The following KCNQ1OT1 variants were observed in gnomAD, a reference collection of about 807,000 sequenced individuals.
The protein encoded by KCNQ1OT1 is KCNQ1 antisense RNA 2 (non-protein coding).
At position 2,664,213 on chromosome 11, in the gene KCNQ1OT1, C is replaced by CATGG. The variant is rs1364221776; in HGVS notation, n.35778_35781dup. ...CTGGGAAGGCAGGAAGGAGCCCAGGCATGGGGCTTGGGGTGAGGGATCTGA... is the reference window on the plus strand; with the variant it reads ...CTGGGAAGGCAGGAAGGAGCCCAGGCATGGATGGGGCTTGGGGTGAGGGATCTGA... On this transcript the variant is annotated non_coding_transcript_exon_variant, in exon 1 of 1. Transcript: ENST00000597346. This position sits in a 1 kb window ranked among gnomAD's most constrained non-coding sequence, Gnocchi z 5.1. 7.5e-6 allele frequency: 3 copies of CATGG among 398,716 alleles called. No homozygotes were observed. The highest frequency in any genetic ancestry group is 4.1e-5 in the African/African-American group (2 of 48,620). 24.7% of individuals were successfully genotyped at this position (398,716 alleles called of 1,614,324 possible).
At position 2,621,508 on chromosome 11, in the gene KCNQ1OT1, T is replaced by G. The variant is rs1037533061; in HGVS notation, n.78487A>C. 5 of 398,496 alleles carry G rather than the reference T, an allele frequency of 1.3e-5. No homozygotes were observed. Among genetic ancestry groups the G allele is most frequent in the African/African-American group, 4.1e-5 (2 of 48,648 alleles). The allele number at this position is 398,496 out of a possible 1,614,324, so 24.7% of individuals were successfully genotyped here. The stretch of plus-strand genomic sequence containing the variant: ...CCCATTCTATATGTTGTCTGTTTAC[T>G]CTGTTGATAATTTCTTTTGCTATGC... On this transcript the variant is annotated non_coding_transcript_exon_variant, in exon 1 of 1. Transcript: ENST00000597346. This position sits in a 1 kb window ranked among gnomAD's most constrained non-coding sequence, Gnocchi z 5.7.
At chr11:2,650,363 A>G (rs1849738245) in exon 1 of KCNQ1OT1, 1 of 398,470 alleles carries the variant, frequency 2.5e-6, no homozygotes, top group Non-Finnish European at 4.4e-6. Context: ...TGATATCTGC[A>G]TATCTGGAAT....
chr11:2,608,605 G>C lies in KCNQ1OT1; in HGVS notation n.91390C>G. The C allele has an allele frequency of 5.0e-6, 2 of 398,438 alleles. No homozygotes were observed. The highest frequency in any genetic ancestry group is 8.8e-6 in the Non-Finnish European group (2 of 226,048). The allele number at this position is 398,438 out of a possible 1,614,324, so 24.7% of individuals were successfully genotyped here. On this transcript the variant is annotated non_coding_transcript_exon_variant, in exon 1 of 1. Transcript: ENST00000597346. The surrounding 1 kb of genome is among the most constrained non-coding windows in gnomAD (Gnocchi z 4.6). Reference sequence around the variant, plus strand: ...ATCCTTGCCCCTTAGCCTATGACAGGTGTGCACCACAACACCAGCTGTTAT... The same window carrying C: ...ATCCTTGCCCCTTAGCCTATGACAGCTGTGCACCACAACACCAGCTGTTAT...
Position 2,676,114 on chromosome 11 carries a change from A to G in KCNQ1OT1, n.23881T>C, listed in dbSNP as rs964870310. 1 of 398,542 alleles carries G rather than the reference A, an allele frequency of 2.5e-6. No individual in the cohort carries two copies. The highest frequency in any genetic ancestry group is 4.4e-6 in the Non-Finnish European group (1 of 226,074). The allele number at this position is 398,542 out of a possible 1,614,324, so 24.7% of individuals were successfully genotyped here. ...CTGTGTGTGCATGTACTTAGTAGAT[A>G]CGGCTCCTTTTTATACAAATGGTAG... On this transcript the variant is annotated non_coding_transcript_exon_variant, in exon 1 of 1. Transcript: ENST00000597346. This position sits in a 1 kb window ranked among gnomAD's most constrained non-coding sequence, Gnocchi z 4.2.
At position 2,651,825 on chromosome 11, in the gene KCNQ1OT1, A is replaced by G. The variant is rs147859872; in HGVS notation, n.48170T>C. On this transcript the variant is annotated non_coding_transcript_exon_variant, in exon 1 of 1. Transcript: ENST00000597346. This position sits in a 1 kb window ranked among gnomAD's most constrained non-coding sequence, Gnocchi z 6.1. Reference sequence around the variant, plus strand: ...CCATTAGCATTGGAATGGAGCCCACAGGACCATACCAGACAGATGCCACCA... The same window carrying G: ...CCATTAGCATTGGAATGGAGCCCACGGGACCATACCAGACAGATGCCACCA... 433 of 398,638 alleles carry G rather than the reference A, an allele frequency of 1.1e-3. 3 individuals carry two copies. Among genetic ancestry groups the G allele is most frequent in the African/African-American group, 7.9e-3 (387 of 48,744 alleles). 24.7% of individuals were successfully genotyped at this position (398,638 alleles called of 1,614,324 possible).
Position 2,682,546 on chromosome 11 carries a change from A to G in KCNQ1OT1, n.17449T>C. On this transcript the variant is annotated non_coding_transcript_exon_variant, in exon 1 of 1. Transcript: ENST00000597346. This position sits in a 1 kb window ranked among gnomAD's most constrained non-coding sequence, Gnocchi z 5.8. ...TCAAACCAGGTGCTAGGACCCTGGC[A>G]GGGGTTCCATAAGGCTATGCTGGGG... 1 of 398,536 alleles carries G rather than the reference A, an allele frequency of 2.5e-6. No homozygotes were observed. The highest frequency in any genetic ancestry group is 2.1e-5 in the African/African-American group (1 of 48,690). The allele number at this position is 398,536 out of a possible 1,614,324, so 24.7% of individuals were successfully genotyped here.
rs1590039281 is a variant in KCNQ1OT1 at position 2,698,378 on chromosome 11, G to A, written n.1617C>T. On this transcript the variant is annotated non_coding_transcript_exon_variant, in exon 1 of 1. Transcript: ENST00000597346. This position sits in a 1 kb window ranked among gnomAD's most constrained non-coding sequence, Gnocchi z 5.1. The stretch of plus-strand genomic sequence containing the variant: ...ATAAAAGGCTATTTGACCTGCTCAG[G>A]GACCACAGTGGGGTACTGGGATCTG... 1.0e-5 allele frequency: 4 copies of A among 398,362 alleles called. No homozygotes were observed. The highest frequency in any genetic ancestry group is 8.8e-6 in the Non-Finnish European group (2 of 226,044). The allele number at this position is 398,362 out of a possible 1,614,324, so 24.7% of individuals were successfully genotyped here. A position where few individuals can be genotyped will look rare whatever the true frequency, so the allele number is the denominator to read the frequency against.
Position 2,621,755 on chromosome 11 carries a change from G to A in KCNQ1OT1, n.78240C>T. On this transcript the variant is annotated non_coding_transcript_exon_variant, in exon 1 of 1. Coordinates refer to ENST00000597346, the Ensembl canonical transcript of KCNQ1OT1. This position sits in a 1 kb window ranked among gnomAD's most constrained non-coding sequence, Gnocchi z 5.7. ...ATTCTCCATTTTCATTTCTGATTTT[G>A]TCCTCTTTCTTAGTCCAAGAGTTTG... is the stretch of plus-strand genomic sequence containing the variant. 2.5e-6 allele frequency: 1 copy of A among 397,970 alleles called. No homozygotes were observed. Among genetic ancestry groups the A allele is most frequent in the East Asian group, 3.6e-5 (1 of 27,976 alleles). 24.7% of individuals were successfully genotyped at this position (397,970 alleles called of 1,614,324 possible). A position where few individuals can be genotyped will look rare whatever the true frequency, so the allele number is the denominator to read the frequency against.
rs1209518785 is a variant in KCNQ1OT1 at position 2,644,226 on chromosome 11, G to A, written n.55769C>T. The A allele has an allele frequency of 2.3e-5, 9 of 398,234 alleles. No individual in the cohort carries two copies. In the East Asian group the frequency reaches 2.8e-4, roughly 13 times the overall value. 24.7% of individuals were successfully genotyped at this position (398,234 alleles called of 1,614,324 possible). A position where few individuals can be genotyped will look rare whatever the true frequency, so the allele number is the denominator to read the frequency against. ...CTCTTCACCTTCTGGGACACTGAAG[G>A]TGTCACCTTATGGCATCCTATAGTC... On this transcript the variant is annotated non_coding_transcript_exon_variant, in exon 1 of 1. Coordinates refer to ENST00000597346, the Ensembl canonical transcript of KCNQ1OT1.
exon 1 of KCNQ1OT1, chr11:2,662,503 G>A (rs1849980189): frequency 6.8e-6 from 3 of 440,280 alleles, no homozygotes; most frequent in Non-Finnish European, 1.2e-5. Context: ...GTCCTCAGGG[G>A]CTCCTTCAGG....
Position 2,658,633 on chromosome 11 carries a change from C to T in KCNQ1OT1, n.41362G>A, listed in dbSNP as rs1590012088. 5 of 398,428 alleles carry T rather than the reference C, an allele frequency of 1.3e-5. No homozygotes were observed. The highest frequency in any genetic ancestry group is 8.8e-6 in the Non-Finnish European group (2 of 226,032). 24.7% of individuals were successfully genotyped at this position (398,428 alleles called of 1,614,324 possible). ...CCTGGATCTAGGCACGGGGTATGCT[C>T]GTGGCTACTAGGGTATCATTGCTTC... On this transcript the variant is annotated non_coding_transcript_exon_variant, in exon 1 of 1. Transcript: ENST00000597346. This position sits in a 1 kb window ranked among gnomAD's most constrained non-coding sequence, Gnocchi z 4.9.
Position 2,651,337 on chromosome 11 carries a change from G to A in KCNQ1OT1, n.48658C>T, listed in dbSNP as rs541435891. ...GAACACTCCTCAGAGTTCTACAAGC[G>A]GCTGAGAGAGCTGGGGTATTTATCT... On this transcript the variant is annotated non_coding_transcript_exon_variant, in exon 1 of 1. Transcript: ENST00000597346. The surrounding 1 kb of genome is among the most constrained non-coding windows in gnomAD (Gnocchi z 6.1). 3.3e-5 allele frequency: 13 copies of A among 398,722 alleles called. No individual in the cohort carries two copies. The South Asian group carries it at 1.1e-3, about 35-fold the overall frequency. The allele number at this position is 398,722 out of a possible 1,614,324, so 24.7% of individuals were successfully genotyped here.
chr11:2,640,570 T>G (rs1849557667), exon 1 of KCNQ1OT1: 1 of 398,300 alleles, frequency 2.5e-6, no homozygotes, highest in Non-Finnish European at 4.4e-6. Flanking sequence ...TCCTTTTTTT[T>G]TTTTTTTTGA....
exon 1 of KCNQ1OT1, chr11:2,666,651 G>C (rs1850074246): frequency 5.0e-6 from 2 of 398,654 alleles, no homozygotes; most frequent in East Asian, 7.1e-5. Context: ...ATGGACCAAG[G>C]GGCTAGCTCT....
chr11:2,680,359 G>A, exon 1 of KCNQ1OT1: 1 of 397,960 alleles, frequency 2.5e-6, no homozygotes, highest in East Asian at 3.6e-5. Flanking sequence ...AATAGAAGCA[G>A]TTTACCCACA....
At chr11:2,649,980 T>C (rs1339427692) in exon 1 of KCNQ1OT1, 4 of 398,382 alleles carry the variant, frequency 1.0e-5, no homozygotes, top group Non-Finnish European at 1.8e-5. Flanking sequence ...TTCTTCATTC[T>C]TTTTTATTGT....
rs1259823732 is a variant in KCNQ1OT1 at position 2,686,049 on chromosome 11, T to TGGGGCA, written n.13940_13945dup. 5 of 399,250 alleles carry TGGGGCA rather than the reference T, an allele frequency of 1.3e-5. No homozygotes were observed. The Admixed American group carries it at 1.3e-4, about 11-fold the overall frequency. The allele number at this position is 399,250 out of a possible 1,614,324, so 24.7% of individuals were successfully genotyped here. On this transcript the variant is annotated non_coding_transcript_exon_variant, in exon 1 of 1. Coordinates refer to ENST00000597346, the Ensembl canonical transcript of KCNQ1OT1. ...AGCCCCGCCAGCTCGCACCATCTGA[T>TGGGGCA]GGGGCAGGGGCAGGGGAAGGACAGG...
chr11:2,691,826 C>T lies in KCNQ1OT1; in HGVS notation n.8169G>A. ...TCACAAGCACTGGATCCAATGTGAC[C>T]TCTGCCAGGACCATGACCCCTAGGT... On this transcript the variant is annotated non_coding_transcript_exon_variant, in exon 1 of 1. Transcript: ENST00000597346. This position sits in a 1 kb window ranked among gnomAD's most constrained non-coding sequence, Gnocchi z 6.4. 1 of 398,718 alleles carries T rather than the reference C, an allele frequency of 2.5e-6. No individual in the cohort carries two copies. The highest frequency in any genetic ancestry group is 3.6e-5 in the East Asian group (1 of 28,072). The allele number at this position is 398,718 out of a possible 1,614,324, so 24.7% of individuals were successfully genotyped here. A position where few individuals can be genotyped will look rare whatever the true frequency, so the allele number is the denominator to read the frequency against.
At chr11:2,649,746 C>G (rs974612086) in exon 1 of KCNQ1OT1, 1 of 398,452 alleles carries the variant, frequency 2.5e-6, no homozygotes, top group South Asian at 1.3e-4. Context: ...TGATTTTTGA[C>G]AGTTTGATGA....
Sources: gnomAD v4.1 joint callset for allele counts on GRCh38, gnomAD v4.1.1 for gene constraint, Gnocchi (gnomAD v3.1) non-coding constraint, MANE v1.5 for transcripts, NCBI Gene and HGNC (gene_info 2026-07-23, HGNC 2026-07-21) for gene names.